ENPP3: variants seen among roughly 807,000 people sequenced by gnomAD.
The protein encoded by ENPP3 is ectonucleotide pyrophosphatase/phosphodiesterase family member 3.
In ENPP3, 104 loss-of-function variants were observed where a neutral mutation model predicts 117.8. That is an observed-to-expected ratio of 0.88 (90% CI 0.75 to 1.04). ENPP3 has a LOEUF of 1.04. ENPP3 is among the 50% of genes least tolerant of loss of function. The pLI is 0.00. For synonymous variants in ENPP3, 380 were observed against 349.9 expected (o/e 1.09, Z -0.96); for missense variants, 1,026 against 1,051.9 (o/e 0.98, Z 0.34).
chr6:131,673,106 A>C (rs956207172), intron 7 of ENPP3, among the ~76,000 whole-genome samples: 11 of 152,228 alleles, frequency 7.2e-5, no homozygotes, highest in Middle Eastern at 3.2e-3. Context: ...AACAGTTATT[A>C]AGCACACAAA....
intron 5 of ENPP3, among the ~76,000 whole-genome samples, chr6:131,654,586 G>A (rs181490001): frequency 7.2e-5 from 11 of 152,180 alleles, no homozygotes; most frequent in African/African-American, 2.2e-4. Flanking sequence ...GGGACTATAA[G>A]CATGTGCCAC....
chr6:131,685,215 G>C, intron 12 of ENPP3, 149 bp from the exon 13 acceptor site: 1 of 680,404 alleles, frequency 1.5e-6, no homozygotes, highest in African/African-American at 1.8e-5. Context: ...TTTTCTGCCA[G>C]AGTAGAGTAA....
intron 20 of ENPP3, among the ~76,000 whole-genome samples, chr6:131,732,334 C>T (rs1439317354): frequency 6.6e-6 from 1 of 152,120 alleles, no homozygotes; most frequent in African/African-American, 2.4e-5. Context: ...ACCTTAAATA[C>T]TCGAGTTAGG....
At chr6:131,662,730 A>G (rs1350949308) in intron 6 of ENPP3, among the ~76,000 whole-genome samples, 1 of 152,048 alleles carries the variant, frequency 6.6e-6, no homozygotes, top group African/African-American at 2.4e-5. Flanking sequence ...AATAAATGTC[A>G]TTGGGGTTTT....
intron 19 of ENPP3, among the ~76,000 whole-genome samples, chr6:131,725,446 T>C (rs951421834): frequency 6.6e-6 from 1 of 151,962 alleles, no homozygotes; most frequent in African/African-American, 2.4e-5. Flanking sequence ...GGAGTGAAGG[T>C]GTCCCTAGGG....
At chr6:131,701,896 AAAG>A (rs1779543813) in intron 15 of ENPP3, among the ~76,000 whole-genome samples, 1 of 150,928 alleles carries the variant, frequency 6.6e-6, no homozygotes, top group African/African-American at 2.5e-5. Flanking sequence ...AAAAAAAAAA[AAAG>A]AAAAGAAAAA....
At chr6:131,679,023 TTCC>T (rs60899253) in intron 11 of ENPP3, among the ~76,000 whole-genome samples, 1 of 107,224 alleles carries the variant, frequency 9.3e-6, no homozygotes, top group East Asian at 2.3e-4. Flanking sequence ...CCTTCCTTCC[TTCC>T]TTCTTTCTTT....
chr6:131,696,276 A>G (rs1480377124), intron 15 of ENPP3, among the ~76,000 whole-genome samples: 1 of 152,218 alleles, frequency 6.6e-6, no homozygotes. Flanking sequence ...CTTTTTAAGA[A>G]CTAGAGATAA....
chr6:131,725,404 C>T (rs145228859), intron 19 of ENPP3, among the ~76,000 whole-genome samples: 13 of 152,170 alleles, frequency 8.5e-5, no homozygotes, highest in South Asian at 6.2e-4. Flanking sequence ...TCATAAAGGG[C>T]CTTCTTCTCA....
At chr6:131,739,445 A>G (rs1367012682) in intron 23 of ENPP3, among the ~76,000 whole-genome samples, 1 of 152,176 alleles carries the variant, frequency 6.6e-6, no homozygotes, top group Non-Finnish European at 1.5e-5. Context: ...TAGAGGGTGA[A>G]TGAAAGTCCA....
intron 18 of ENPP3, among the ~76,000 whole-genome samples, chr6:131,723,802 TTCTCTC>T (rs4053085): frequency 1.0e-3 from 141 of 137,128 alleles, no homozygotes; most frequent in African/African-American, 3.4e-3. Context: ...TTTTTGCAAA[TTCTCTC>T]TCTCTCTCTC....
At chr6:131,746,513 C>T (rs747675903) in intron 24 of ENPP3, among the ~76,000 whole-genome samples, 16 of 152,172 alleles carry the variant, frequency 1.1e-4, no homozygotes, top group Admixed American at 2.0e-4. Flanking sequence ...GGGGACTTAA[C>T]TTCATCTGCA....
intron 19 of ENPP3, among the ~76,000 whole-genome samples, chr6:131,724,517 A>G (rs907153211): frequency 6.6e-6 from 1 of 152,212 alleles, no homozygotes; most frequent in Non-Finnish European, 1.5e-5. Context: ...AAGTTAATAC[A>G]TGGAAAGAAT....
intron 8 of ENPP3, among the ~76,000 whole-genome samples, chr6:131,674,875 A>G (rs547276368): frequency 6.6e-6 from 1 of 152,114 alleles, no homozygotes; most frequent in African/African-American, 2.4e-5. Context: ...GGGAGAGAGG[A>G]ACCATCCAAT....
chr6:131,647,280 G>A (rs1778172131), intron 2 of ENPP3, among the ~76,000 whole-genome samples: 1 of 152,216 alleles, frequency 6.6e-6, no homozygotes, highest in Non-Finnish European at 1.5e-5. Flanking sequence ...GAACAATAAT[G>A]TGTTAAAATA....
Position 131,693,567 on chromosome 6 carries a change from AG to A in ENPP3, c.1356del (p.Asn453ThrfsTer68), listed in dbSNP as rs1779337352. The A allele has an allele frequency of 6.2e-7, 1 of 1,614,038 alleles. No individual in the cohort carries two copies. The highest frequency in any genetic ancestry group is 1.1e-5 in the South Asian group (1 of 91,032). On this transcript the variant is annotated frameshift_variant, in exon 15 of 25. Coordinates refer to ENST00000357639, the MANE Select transcript of ENPP3 (RefSeq NM_005021.5). LOFTEE classifies it high-confidence loss of function. ...PDLPKRLHYA[K>X]NVRIDKVHLF... is the part of the protein sequence containing the mutation. ...TTGCCAAAGCGACTGCACTATGCCA[AG>A]AACGTCAGAATCGACAAAGTTCATC...
intron 15 of ENPP3, among the ~76,000 whole-genome samples, chr6:131,706,586 T>C (rs1779642858): frequency 6.6e-6 from 1 of 151,434 alleles, no homozygotes; most frequent in Non-Finnish European, 1.5e-5. Context: ...TTTTTGTAGA[T>C]GCTTTTTATC....
At chr6:131,724,714 A>C (rs1184452492) in intron 19 of ENPP3, among the ~76,000 whole-genome samples, 2 of 152,150 alleles carry the variant, frequency 1.3e-5, no homozygotes, top group African/African-American at 4.8e-5. Flanking sequence ...TAAATGTACT[A>C]GTTGTTTTGA....
At chr6:131,739,030 G>A (rs749145070) in intron 23 of ENPP3, among the ~76,000 whole-genome samples, 7 of 152,046 alleles carry the variant, frequency 4.6e-5, no homozygotes, top group Non-Finnish European at 8.8e-5. Flanking sequence ...CTATATGCTA[G>A]GTACTTTATA....
Sources: gnomAD v4.1 joint callset for allele counts (sites outside exome capture counted in the v4.1 genomes callset) on GRCh38, gnomAD v4.1.1 for gene constraint, MANE v1.5 for transcripts, NCBI Gene and HGNC (gene_info 2026-07-23, HGNC 2026-07-21) for gene names.